Variants in BSN observed in about 807,000 individuals in gnomAD.
BSN encodes the protein bassoon presynaptic cytomatrix protein.
BSN carries 57 observed loss-of-function variants against 264.8 expected under a neutral mutation model. The ratio of observed to expected loss-of-function variants is 0.22; its 90% CI spans 0.17 to 0.27. The LOEUF (loss-of-function observed/expected upper bound fraction) is 0.27, where lower values mean the gene tolerates loss of function less well. Among genes scored for constraint, BSN ranks in the 10% least tolerant of loss-of-function variants. The probability of loss-of-function intolerance (pLI) is 1.00; values close to 1 mark genes in which losing one functional copy is unlikely to be tolerated. For missense variants in BSN, 4,615 were observed against 5,232.5 expected (o/e 0.88, Z 3.64); for synonymous variants, 2,059 against 2,137.3 (o/e 0.96, Z 1.01).
intron 8 of BSN, among the ~76,000 whole-genome samples, 166 bp from the exon 9 acceptor site, chr3:49,664,257 C>A (rs999959834): frequency 6.6e-6 from 1 of 152,150 alleles, no homozygotes; most frequent in African/African-American, 2.4e-5. Flanking sequence ...TTCTCCCACC[C>A]CTTGTCTTCC....
intron 1 of BSN, among the ~76,000 whole-genome samples, chr3:49,604,159 A>G (rs929636337): frequency 2.0e-4 from 31 of 152,016 alleles, no homozygotes; most frequent in African/African-American, 7.3e-4. Context: ...CCTGGGCTCA[A>G]GTGATCCTCC....
In BSN at chr3:49,652,770, C is replaced by T. The variant is rs2052555146; in HGVS notation, c.3214C>T (p.Arg1072Cys). 6.4e-7 allele frequency: 1 copy of T among 1,550,680 alleles called. No homozygotes were observed. Among genetic ancestry groups the T allele is most frequent in the Non-Finnish European group, 8.7e-7 (1 of 1,147,998 alleles). ...GCAGCAGCGCATCCGCAGCACGGCCCGCAAGACCCGGCGGGACAAGGAAGA... is the reference window on the plus strand; with the variant it reads ...GCAGCAGCGCATCCGCAGCACGGCCTGCAAGACCCGGCGGGACAAGGAAGA... ...VEQQRIRSTA[R>C]KTRRDKEELR... is the part of the protein sequence containing the mutation. Residue 1072 changes from arginine (R) to cysteine (C), a missense_variant, in exon 5 of 12, where the codon CGC (arginine) becomes TGC (cysteine). Arg to Cys is a radical substitution (Grantham distance 180). This residue lies in a region of BSN where 3,415 missense variants were observed against 3,866.4 expected (regional missense o/e 0.88). Transcript: ENST00000296452.
intron 1 of BSN, among the ~76,000 whole-genome samples, chr3:49,599,186 C>T (rs1195983470): frequency 1.3e-5 from 2 of 152,122 alleles, no homozygotes; most frequent in African/African-American, 4.8e-5. Context: ...GTGAGGCTTC[C>T]TCATTTTATT....
chr3:49,588,800 T>A (rs1481054299), intron 1 of BSN, among the ~76,000 whole-genome samples: 2 of 152,250 alleles, frequency 1.3e-5, no homozygotes, highest in Non-Finnish European at 2.9e-5. Flanking sequence ...ATTCATTGTA[T>A]GATTTCAAGT....
At chr3:49,610,428 C>CA (rs1425553995) in intron 1 of BSN, among the ~76,000 whole-genome samples, 1 of 151,692 alleles carries the variant, frequency 6.6e-6, no homozygotes, top group Non-Finnish European at 1.5e-5. Flanking sequence ...ACTAAAAATA[C>CA]AAAAAATTAG....
intron 1 of BSN, among the ~76,000 whole-genome samples, chr3:49,598,087 G>A (rs891092136): frequency 6.6e-6 from 1 of 152,056 alleles, no homozygotes; most frequent in African/African-American, 2.4e-5. Context: ...GAACATATTT[G>A]TAATTGTTGC....
chr3:49,671,251 A>G lies in BSN; in HGVS notation c.*3766A>G, dbSNP rs570489113. On this transcript the variant is annotated 3_prime_UTR_variant, in exon 12 of 12. Coordinates refer to ENST00000296452, the MANE Select transcript of BSN (RefSeq NM_003458.4). This position sits in a 1 kb window ranked among gnomAD's most constrained non-coding sequence, Gnocchi z 4.1. ...TGCACTACCCTGGAGAGTGGTGGCC[A>G]CTCAATACCTTTTCCTCTAGCTTTC... The G allele has an allele frequency of 3.3e-5, 5 of 152,326 alleles. No individual in the cohort carries two copies. The highest frequency in any genetic ancestry group is 1.2e-4 in the African/African-American group (5 of 41,468). 9.4% of individuals were successfully genotyped at this position (152,326 alleles called of 1,614,324 possible).
In BSN at chr3:49,554,765, A is replaced by C; in HGVS notation, c.163A>C (p.Thr55Pro). ...QLPAAGAARSTAVPPVPGPGP... is the reference protein window; with the variant it reads ...QLPAAGAARSPAVPPVPGPGP... The stretch of plus-strand genomic sequence containing the variant: ...CCCCGCGGCGGGAGCAGCGCGGTCG[A>C]CCGCGGTACCACCGGTCCCTGGCCC... The change falls in exon 1 of 12, where the codon ACC becomes CCC. Residue 55 changes from threonine (T) to proline (P), a missense_variant. Transcript: ENST00000296452. 7 of 1,214,244 alleles carry C rather than the reference A, an allele frequency of 5.8e-6. No homozygotes were observed. The highest frequency in any genetic ancestry group is 5.1e-6 in the Non-Finnish European group (5 of 977,190). 75.2% of individuals were successfully genotyped at this position (1,214,244 alleles called of 1,614,324 possible). A position where few individuals can be genotyped will look rare whatever the true frequency, so the allele number is the denominator to read the frequency against.
In BSN at chr3:49,657,819, C is replaced by T; in HGVS notation, c.8263C>T (p.Leu2755=). Residue 2755 remains leucine, a synonymous_variant, in exon 5 of 12, where the codon CTG becomes TTG. Coordinates refer to ENST00000296452, the MANE Select transcript of BSN (RefSeq NM_003458.4). ...PGIQIVTPGP[L]GRFEKKKPDP... is the part of the protein sequence containing the mutation. ...CATCCAGATCGTCACCCCAGGGCCT[C>T]TGGGCAGATTTGAAAAAAAGAAGCC... 6.2e-7 allele frequency: 1 copy of T among 1,601,792 alleles called. No homozygotes were observed. Among genetic ancestry groups the T allele is most frequent in the Non-Finnish European group, 8.5e-7 (1 of 1,174,602 alleles).
chr3:49,556,048 T>C (rs1197994637), intron 1 of BSN, among the ~76,000 whole-genome samples: 1 of 152,232 alleles, frequency 6.6e-6, no homozygotes, highest in Non-Finnish European at 1.5e-5. Flanking sequence ...GTCCATTTTA[T>C]ACTAGCTATA....
Position 49,662,249 on chromosome 3 carries a change from G to A in BSN, c.10404G>A (p.Arg3468=), listed in dbSNP as rs1186722118. Residue 3468 remains arginine, a synonymous_variant, in exon 6 of 12, where the codon AGG becomes AGA. Transcript: ENST00000296452. The stretch of plus-strand genomic sequence containing the variant: ...GTGGCTGGGGCAAGGGGTACGAAAG[G>A]GAACGGGAGGCTGTGGAGCGACTTC... ...DFSGWGKGYE[R]EREAVERLQK... 6.2e-7 allele frequency: 1 copy of A among 1,613,968 alleles called. No individual in the cohort carries two copies. The highest frequency in any genetic ancestry group is 1.7e-5 in the Admixed American group (1 of 60,034).
intron 1 of BSN, among the ~76,000 whole-genome samples, chr3:49,605,278 T>A (rs1368710755): frequency 9.3e-6 from 1 of 107,166 alleles, no homozygotes; most frequent in Non-Finnish European, 1.8e-5. Flanking sequence ...TATATACATA[T>A]ATATACATAT....
intron 1 of BSN, among the ~76,000 whole-genome samples, chr3:49,608,387 G>T (rs532164244): frequency 2.0e-5 from 3 of 152,328 alleles, no homozygotes; most frequent in African/African-American, 7.2e-5. Context: ...GAAAGTGGTG[G>T]ATGGCTTTCC....
chr3:49,662,985 G>A lies in BSN; in HGVS notation c.10827G>A (p.Lys3609=). The A allele has an allele frequency of 3.1e-6, 5 of 1,614,134 alleles. No homozygotes were observed. The highest frequency in any genetic ancestry group is 4.2e-6 in the Non-Finnish European group (5 of 1,180,024). Residue 3609 remains lysine, a synonymous_variant, in exon 7 of 12, where the codon AAG becomes AAA. Transcript: ENST00000296452. ...ATGCAGTTTCCTCCTCCTCCCAGAA[G>A]CGAGGCCCTGCCAGGCACAGCTACC... ...GGHAVSSSSQ[K]RGPARHSYHD... is the part of the protein sequence containing the mutation.
At chr3:49,645,778 T>G (rs181831642) in intron 3 of BSN, among the ~76,000 whole-genome samples, 6 of 152,282 alleles carry the variant, frequency 3.9e-5, no homozygotes, top group Admixed American at 3.9e-4. Context: ...TGGTTAGAGG[T>G]TTCTGATTTC....
intron 1 of BSN, among the ~76,000 whole-genome samples, chr3:49,609,103 T>C (rs2052182820): frequency 6.7e-6 from 1 of 148,400 alleles, no homozygotes; most frequent in African/African-American, 2.5e-5. Flanking sequence ...TTTTTTTTTT[T>C]TTTTTTTTTG....
In BSN at chr3:49,661,195, A is replaced by G; in HGVS notation, c.9350A>G (p.His3117Arg). 2 of 1,613,462 alleles carry G rather than the reference A, an allele frequency of 1.2e-6. No individual in the cohort carries two copies. Among genetic ancestry groups the G allele is most frequent in the Non-Finnish European group, 1.7e-6 (2 of 1,180,010 alleles). The change falls in exon 6 of 12, where the codon CAC (histidine) becomes CGC (arginine). Residue 3117 changes from histidine (H) to arginine (R), a missense_variant. This residue lies in a region of BSN where 3,415 missense variants were observed against 3,866.4 expected (regional missense o/e 0.88). Coordinates refer to ENST00000296452, the MANE Select transcript of BSN (RefSeq NM_003458.4). ...CAGCAGGCTTTCCGCCCCACAGGCC[A>G]CTATGCAGGCCAAACACCCATGCCA... is the stretch of plus-strand genomic sequence containing the variant. ...PNQQAFRPTGHYAGQTPMPTT... is the reference protein window; with the variant it reads ...PNQQAFRPTGRYAGQTPMPTT...
intron 1 of BSN, among the ~76,000 whole-genome samples, chr3:49,582,935 A>G (rs911362407): frequency 1.4e-5 from 2 of 147,796 alleles, no homozygotes; most frequent in Non-Finnish European, 3.0e-5. Flanking sequence ...CCTTCATTCT[A>G]TTAATATGGT....
In BSN at chr3:49,653,807, C is replaced by T. The variant is rs994446835; in HGVS notation, c.4251C>T (p.His1417=). The change falls in exon 5 of 12, where the codon CAC becomes CAT. Residue 1417 remains histidine (H), a synonymous_variant. Transcript: ENST00000296452. The surrounding 1 kb of genome is among the most constrained non-coding windows in gnomAD (Gnocchi z 6.3). ...GTCCTTCACCATCTTCCACAGCCCA[C>T]AGCTATGGACACAGCCCAACCACTG... The part of the protein sequence containing the change: ...ERSPSPSSTA[H]SYGHSPTTAN... 1.9e-6 allele frequency: 3 copies of T among 1,614,158 alleles called. No individual in the cohort carries two copies. The highest frequency in any genetic ancestry group is 2.7e-5 in the African/African-American group (2 of 75,028).
Sources: allele counts gnomAD v4.1 joint callset (sites outside exome capture counted in the v4.1 genomes callset), GRCh38; gene constraint gnomAD v4.1.1; regional missense constraint gnomAD v4.1.1; non-coding constraint Gnocchi (gnomAD v3.1); transcripts MANE v1.5; gene names NCBI Gene and HGNC (gene_info 2026-07-23, HGNC 2026-07-21).